Variants in UNC45A observed in about 807,000 individuals in gnomAD.
UNC45A encodes protein unc-45 homolog A.
UNC45A carries 78 observed loss-of-function variants against 103.2 expected under a neutral mutation model. The observed-to-expected ratio is 0.76, with a 90% CI of 0.63 to 0.91. UNC45A has a LOEUF of 0.91. Ranked by LOEUF, UNC45A falls within the 40% of genes least tolerant of loss-of-function variation. The pLI, the probability that UNC45A is intolerant of heterozygous loss-of-function variation, is 0.00. For missense variants in UNC45A, 1,193 were observed against 1,224.8 expected, an observed-to-expected ratio of 0.97 and a Z score of 0.39; for synonymous variants, 495 against 504.6, an observed-to-expected ratio of 0.98 and a Z score of 0.25.
At chr15:90,937,406 T>C (rs770108963) in intron 4 of UNC45A, among the ~76,000 whole-genome samples, 7 of 152,164 alleles carry the variant, frequency 4.6e-5, no homozygotes, top group Non-Finnish European at 8.8e-5. Context: ...ATATCATTTA[T>C]GTTAATGATC....
At chr15:90,932,361 C>T, upstream of UNC45A, 1 of 995,132 alleles carries the variant, frequency 1.0e-6, no homozygotes, top group South Asian at 2.2e-5. Context: ...GTGCACGCCC[C>T]CCACGTTTCC....
At chr15:90,947,234 G>A (rs908890283) in intron 10 of UNC45A, 11 of 341,560 alleles carry the variant, frequency 3.2e-5, no homozygotes, top group Non-Finnish European at 6.1e-5. Context: ...TGTGGTGAGA[G>A]ACATCGGCAT....
At position 90,949,412 on chromosome 15, in the gene UNC45A, C is replaced by T; in HGVS notation, c.1975C>T (p.Leu659=). The T allele has an allele frequency of 6.2e-7, 1 of 1,613,790 alleles. No homozygotes were observed. The highest frequency in any genetic ancestry group is 8.5e-7 in the Non-Finnish European group (1 of 1,180,014). The change falls in exon 14 of 20, where the codon CTG becomes TTG. Residue 659 remains leucine, a synonymous_variant. Coordinates refer to ENST00000418476, the MANE Select transcript of UNC45A (RefSeq NM_018671.5). ...CATGGTGAAGACGGAGAGCCCTGTG[C>T]TGACCAGTTCCTGCAGAGAGCTGCT... ...VCMVKTESPV[L]TSSCRELLSR... is the part of the protein sequence containing the mutation.
At chr15:90,940,612 T>C in intron 6 of UNC45A, 139 bp downstream of exon 6, 1 of 1,136,302 alleles carries the variant, frequency 8.8e-7, no homozygotes, top group East Asian at 2.8e-5. Context: ...ACCCCTTACC[T>C]TATTCTAAAA....
At chr15:90,941,951 T>A (rs1206747621) in intron 6 of UNC45A, among the ~76,000 whole-genome samples, 12 of 121,806 alleles carry the variant, frequency 9.9e-5, no homozygotes, top group Admixed American at 3.9e-4. Context: ...AGAGCAAGAC[T>A]CCGTCTCAAA....
rs569306063 is a variant in UNC45A, at chr15:90,945,029, G to A, written c.1165G>A (p.Glu389Lys). The A allele has an allele frequency of 5.6e-4, 908 of 1,613,030 alleles. 15 individuals carry two copies. In the South Asian group the frequency reaches 9.4e-3, roughly 17 times the overall value. Residue 389 changes from glutamate to lysine, a missense_variant, in exon 9 of 20, where the codon GAG becomes AAG. By Grantham distance (56) the Glu-to-Lys change is moderately conservative (BLOSUM62 1). Transcript: ENST00000418476. ...FDDLKCDAER[E>K]NFHRLCENYI... ...TGACCTCAAGTGTGATGCGGAGAGG[G>A]AGAATTTCCACAGACTTTGTGAAAA...
chr15:90,935,463 G>A, intron 1 of UNC45A, 81 bp from the exon 2 acceptor site: 2 of 1,574,122 alleles, frequency 1.3e-6, no homozygotes, highest in Non-Finnish European at 1.7e-6. Context: ...GGCTCGCCCC[G>A]ATCCCTCCTC....
chr15:90,953,713 G>A lies in UNC45A; in HGVS notation c.2832G>A (p.Glu944=), dbSNP rs767905111. ...TTATCCAACCCAACCAAGATGGAGA[G>A]TGAGGGGGTTGTCCCTGGGCCCAAG... ...YGLIQPNQDG[E] Residue 944 remains glutamate (E), a synonymous_variant, in exon 20 of 20, where the codon GAG becomes GAA. Coordinates refer to ENST00000418476, the MANE Select transcript of UNC45A (RefSeq NM_018671.5). 3 of 1,613,348 alleles carry A rather than the reference G, an allele frequency of 1.9e-6. No homozygotes were observed. The African/African-American group carries it at 4.0e-5, about 22-fold the overall frequency.
At chr15:90,943,874 A>G (rs1235951087) in intron 8 of UNC45A, among the ~76,000 whole-genome samples, 2 of 151,172 alleles carry the variant, frequency 1.3e-5, no homozygotes, top group African/African-American at 4.9e-5. Flanking sequence ...GTTGTAGTAG[A>G]GATAGAATCT....
At chr15:90,931,791 C>A (rs1160516034), upstream of UNC45A, 4 of 1,614,150 alleles carry the variant, frequency 2.5e-6, no homozygotes, top group Non-Finnish European at 3.4e-6. Context: ...CTGTGGGGCG[C>A]TTGCTCCACC....
Position 90,952,691 on chromosome 15 carries a change from C to G in UNC45A, c.2304-238C>G, listed in dbSNP as rs551502477. The stretch of plus-strand genomic sequence containing the variant: ...CTGCCTGCCTCGGCCTTCCAGAGTG[C>G]TGGGATTACAGGCGTGAGCCTCCAC... On this transcript the variant is annotated intron_variant, in intron 17 of 19. Transcript: ENST00000418476. 43 of 509,102 alleles carry G rather than the reference C, an allele frequency of 8.4e-5. 1 individual carries two copies. The highest frequency in any genetic ancestry group is 7.5e-4 in the African/African-American group (39 of 52,126). 31.5% of individuals were successfully genotyped at this position (509,102 alleles called of 1,614,324 possible). A position where few individuals can be genotyped will look rare whatever the true frequency, so the allele number is the denominator to read the frequency against.
rs1341782256 is a variant in UNC45A, at chr15:90,953,452, C to T, written c.2578-7C>T. 8.1e-6 allele frequency: 13 copies of T among 1,613,108 alleles called. No individual in the cohort carries two copies. The highest frequency in any genetic ancestry group is 8.5e-6 in the Non-Finnish European group (10 of 1,179,920). On this transcript the variant is annotated splice_polypyrimidine_tract_variant and splice_region_variant and intron_variant, in intron 19 of 19. Coordinates refer to ENST00000418476, the MANE Select transcript of UNC45A (RefSeq NM_018671.5). ...CAGGGGTCATATCTACCCTGTTTTTCTCACAGACCACACACTGGCTGGAGA... is the reference window on the plus strand; with the variant it reads ...CAGGGGTCATATCTACCCTGTTTTTTTCACAGACCACACACTGGCTGGAGA...
rs1328777583 is a variant in UNC45A, at chr15:90,941,937, C to T, written c.688-500C>T. On this transcript the variant is annotated intron_variant, in intron 6 of 19. Transcript: ENST00000418476. ...TCGCGCTACTGCACTCCAGCCTGGGCGACAGAGCAAGACTCCGTCTCAAAA... is the reference window on the plus strand; with the variant it reads ...TCGCGCTACTGCACTCCAGCCTGGGTGACAGAGCAAGACTCCGTCTCAAAA... 2.2e-5 allele frequency among the ~76,000 whole-genome samples: 3 copies of T among 138,818 alleles called. No homozygotes were observed. In the East Asian group the frequency reaches 6.2e-4, roughly 29 times the overall value. 91.1% of individuals were successfully genotyped at this position (138,818 alleles called of 152,430 possible). A position where few individuals can be genotyped will look rare whatever the true frequency, so the allele number is the denominator to read the frequency against.
intron 6 of UNC45A, 113 bp downstream of exon 6, chr15:90,940,586 C>A: frequency 7.3e-7 from 1 of 1,362,788 alleles, no homozygotes; most frequent in South Asian, 1.4e-5. Flanking sequence ...TCCATCCATC[C>A]ACTCTTCCAC....
At chr15:90,944,423 C>A (rs947500770) in intron 8 of UNC45A, among the ~76,000 whole-genome samples, 1 of 151,926 alleles carries the variant, frequency 6.6e-6, no homozygotes, top group Non-Finnish European at 1.5e-5. Flanking sequence ...TTTGCAAAGG[C>A]CTTGCATGAG....
In UNC45A at chr15:90,947,826, A is replaced by G. The variant is rs987652244; in HGVS notation, c.1531A>G (p.Thr511Ala). 2 of 1,614,026 alleles carry G rather than the reference A, an allele frequency of 1.2e-6. No homozygotes were observed. Among genetic ancestry groups the G allele is most frequent in the Non-Finnish European group, 1.7e-6 (2 of 1,179,996 alleles). Residue 511 changes from threonine (T) to alanine (A), a missense_variant, in exon 11 of 20, where the codon ACT becomes GCT. By Grantham distance (58) the Thr-to-Ala change is moderately conservative. Coordinates refer to ENST00000418476, the MANE Select transcript of UNC45A (RefSeq NM_018671.5). ...GLCKLGSAGGTDFSMKQFAEG... is the reference protein window; with the variant it reads ...GLCKLGSAGGADFSMKQFAEG... ...CTGTAAGCTCGGTTCGGCTGGAGGG[A>G]CTGACTTCAGCATGAAGCAGTTTGC...
At chr15:90,941,742 G>A (rs1204796576) in intron 6 of UNC45A, among the ~76,000 whole-genome samples, 2 of 151,984 alleles carry the variant, frequency 1.3e-5, no homozygotes, top group African/African-American at 4.8e-5. Flanking sequence ...GGCAGATCAC[G>A]AGGTCAGGAG....
rs1197085801 is a variant in UNC45A, at chr15:90,946,594, T to G, written c.1200-20T>G. ...TTTATGTTGGCCTTGGTGTGACGGC[T>G]GTCACCCTGTGCCCCTCAGGAGCTG... On this transcript the variant is annotated intron_variant, in intron 9 of 19. Coordinates refer to ENST00000418476, the MANE Select transcript of UNC45A (RefSeq NM_018671.5). 6.3e-7 allele frequency: 1 copy of G among 1,582,908 alleles called. No homozygotes were observed. Among genetic ancestry groups the G allele is most frequent in the Non-Finnish European group, 8.6e-7 (1 of 1,162,030 alleles).
chr15:90,951,307 C>A (rs1016950806), intron 17 of UNC45A, among the ~76,000 whole-genome samples: 1 of 152,182 alleles, frequency 6.6e-6, no homozygotes, highest in Non-Finnish European at 1.5e-5. Context: ...AGCTGGCCAG[C>A]ATGTTTTAGT....
Sources: allele counts gnomAD v4.1 joint callset (sites outside exome capture counted in the v4.1 genomes callset), GRCh38; gene constraint gnomAD v4.1.1; transcripts MANE v1.5; gene names NCBI Gene and HGNC (gene_info 2026-07-23, HGNC 2026-07-21).